The following SLC14A2 variants were observed in gnomAD, a reference collection of about 807,000 sequenced individuals.
SLC14A2 encodes the protein solute carrier family 14 member 2, also known as urea transporter 2.
In SLC14A2, 91 loss-of-function variants were observed where a neutral mutation model predicts 104.6. The observed-to-expected ratio is 0.87, with a 90% CI of 0.73 to 1.04. The LOEUF (loss-of-function observed/expected upper bound fraction) is 1.04. Among genes scored for constraint, SLC14A2 ranks in the 50% least tolerant of loss-of-function variants. The pLI is 0.00. For synonymous variants in SLC14A2, 476 were observed against 466.4 expected (o/e 1.02, Z -0.27); for missense variants, 1,189 against 1,156.0 (o/e 1.03, Z -0.41).
intron 1 of SLC14A2, among the ~76,000 whole-genome samples, chr18:45,436,197 AC>A (rs1304636281): frequency 1.3e-5 from 2 of 152,216 alleles, no homozygotes; most frequent in East Asian, 3.9e-4. Flanking sequence ...GAAAAAAATT[AC>A]GTTGTTTATG....
intron 2 of SLC14A2, among the ~76,000 whole-genome samples, chr18:45,610,018 T>C (rs1168297391): frequency 6.6e-6 from 1 of 152,232 alleles, no homozygotes; most frequent in Non-Finnish European, 1.5e-5. Flanking sequence ...TTTTGCTTGC[T>C]TACTGAATGC....
rs748216956 is a variant in SLC14A2, at chr18:45,669,468, C to T, written c.2199C>T (p.Asn733=). 4 of 1,613,970 alleles carry T rather than the reference C, an allele frequency of 2.5e-6. No individual in the cohort carries two copies. Among genetic ancestry groups the T allele is most frequent in the Non-Finnish European group, 2.5e-6 (3 of 1,179,860 alleles). Residue 733 remains asparagine (N), a synonymous_variant, in exon 16 of 20, where the codon AAC becomes AAT. Transcript: ENST00000255226. The part of the protein sequence containing the change: ...TLLQPASAMP[N]ITWSEVQVPL... ...TGCAGCCTGCATCCGCCATGCCCAA[C>T]ATCACCTGGTCAGAGGTCCAAGTGC...
At chr18:45,407,349 C>A (rs2086166600) in intron 1 of SLC14A2, among the ~76,000 whole-genome samples, 2 of 152,238 alleles carry the variant, frequency 1.3e-5, no homozygotes, top group Admixed American at 1.3e-4. Flanking sequence ...CCTTTCTCAG[C>A]TTTCATAGAA....
At chr18:45,506,932 G>T (rs540629550) in intron 2 of SLC14A2, among the ~76,000 whole-genome samples, 14 of 152,278 alleles carry the variant, frequency 9.2e-5, no homozygotes, top group Admixed American at 7.8e-4. Flanking sequence ...CCCCTGAGGG[G>T]AACCTGACTT....
chr18:45,612,744 T>C (rs933533893), upstream of SLC14A2, among the ~76,000 whole-genome samples: 3 of 152,192 alleles, frequency 2.0e-5, no homozygotes, highest in Admixed American at 6.5e-5. Context: ...TTAATCCTCA[T>C]ATTCCCCATG....
At chr18:45,457,595 T>A (rs1038349452) in intron 1 of SLC14A2, among the ~76,000 whole-genome samples, 28 of 151,578 alleles carry the variant, frequency 1.8e-4, no homozygotes, top group African/African-American at 6.3e-4. Context: ...CTAGGAGCAG[T>A]GTTTGAAAGC....
chr18:45,326,352 C>G (rs962514094), intron 1 of SLC14A2, among the ~76,000 whole-genome samples: 1 of 152,014 alleles, frequency 6.6e-6, no homozygotes, highest in Non-Finnish European at 1.5e-5. Flanking sequence ...GGTGGCACCT[C>G]CTTTGGATTC....
chr18:45,394,216 C>T (rs998461226), intron 1 of SLC14A2, among the ~76,000 whole-genome samples: 8 of 152,308 alleles, frequency 5.3e-5, no homozygotes, highest in South Asian at 4.2e-4. Flanking sequence ...ATGTTTTTCT[C>T]ATTCTTCTCT....
In SLC14A2 at chr18:45,389,282, A is replaced by G. The variant is rs1039611893; in HGVS notation, c.-124-93951A>G. 2.0e-5 allele frequency among the ~76,000 whole-genome samples: 3 copies of G among 152,204 alleles called. No homozygotes were observed. The South Asian group carries it at 6.2e-4, about 32-fold the overall frequency. On this transcript the variant is annotated intron_variant, in intron 1 of 20. Transcript: ENST00000586448. ...CTTGTTTTCCTGACTAAATTTGCTT[A>G]TTGGTTTGATGCTCTATAATTTCTC...
chr18:45,365,745 C>A (rs912331444), intron 1 of SLC14A2, among the ~76,000 whole-genome samples: 2 of 152,132 alleles, frequency 1.3e-5, no homozygotes, highest in Admixed American at 1.3e-4. Flanking sequence ...ACTTTAGAGC[C>A]AAGAGGCCTG....
At chr18:45,297,404 C>T (rs971547272) in intron 1 of SLC14A2, among the ~76,000 whole-genome samples, 7 of 152,218 alleles carry the variant, frequency 4.6e-5, no homozygotes, top group African/African-American at 9.6e-5. Context: ...GGATTCTTAT[C>T]CAGGATGGCA....
At chr18:45,322,750 C>T (rs1368972971) in intron 1 of SLC14A2, among the ~76,000 whole-genome samples, 2 of 152,180 alleles carry the variant, frequency 1.3e-5, no homozygotes, top group Non-Finnish European at 2.9e-5. Context: ...ACTTCTCAAG[C>T]CCACACAGCA....
chr18:45,547,729 G>T (rs2043993562), intron 2 of SLC14A2, among the ~76,000 whole-genome samples: 1 of 152,222 alleles, frequency 6.6e-6, no homozygotes, highest in East Asian at 1.9e-4. Flanking sequence ...CTTCATGAAG[G>T]TGGCTGGTAA....
At chr18:45,507,388 C>G (rs1481630581) in intron 2 of SLC14A2, 1 of 152,564 alleles carries the variant, frequency 6.6e-6, no homozygotes, top group Non-Finnish European at 1.5e-5. Flanking sequence ...AGCACCATGT[C>G]ATGCTTCACC....
intron 1 of SLC14A2, among the ~76,000 whole-genome samples, chr18:45,391,671 G>A (rs1464109169): frequency 6.6e-6 from 1 of 152,140 alleles, no homozygotes; most frequent in African/African-American, 2.4e-5. Flanking sequence ...TCTCTCTGAT[G>A]GCCAGTGATG....
At chr18:45,192,661 T>C in the SLC14A2 span, among the ~76,000 whole-genome samples, 2 of 151,470 alleles carry the variant, frequency 1.3e-5, no homozygotes, top group Non-Finnish European at 2.9e-5. Context: ...TGTTTTGTTT[T>C]GTTTTGTTTT....
intron 1 of SLC14A2, among the ~76,000 whole-genome samples, chr18:45,448,729 G>T (rs1446242519): frequency 6.6e-6 from 1 of 152,164 alleles, no homozygotes; most frequent in Non-Finnish European, 1.5e-5. Flanking sequence ...TCACTGGCTT[G>T]CAGCATCTTC....
At chr18:45,566,613 C>T (rs926508119) in intron 2 of SLC14A2, among the ~76,000 whole-genome samples, 7 of 152,166 alleles carry the variant, frequency 4.6e-5, no homozygotes, top group South Asian at 2.1e-4. Context: ...GTGAGTGTCC[C>T]TCCACTGATA....
rs141080110 is a variant in SLC14A2 at position 45,238,086 on chromosome 18, A to C, written c.-125+24895A>C. Among the ~76,000 whole-genome samples, 751 of 152,362 alleles carry C rather than the reference A, an allele frequency of 4.9e-3. 5 individuals are homozygous for C. Among genetic ancestry groups the C allele is most frequent in the Non-Finnish European group, 8.5e-3 (577 of 68,036 alleles). On this transcript the variant is annotated intron_variant, in intron 1 of 20. Transcript: ENST00000586448. ...TCTAGACTTATTGGATGAATTGGAA[A>C]CTGAGGAAACAAAAAAAGCTCAGTA...
Sources: allele counts gnomAD v4.1 joint callset (sites outside exome capture counted in the v4.1 genomes callset), GRCh38; gene constraint gnomAD v4.1.1; transcripts MANE v1.5; gene names NCBI Gene and HGNC (gene_info 2026-07-23, HGNC 2026-07-21).